The following SLC18B1 variants were observed in gnomAD, a reference collection of about 807,000 sequenced individuals.
The protein encoded by SLC18B1 is solute carrier family 18 member B1.
In SLC18B1, 62 loss-of-function variants were observed where a neutral mutation model predicts 53.9. The observed-to-expected ratio is 1.15, with a 90% CI of 0.94 to 1.42. The LOEUF is 1.42. Among genes scored for constraint, SLC18B1 ranks in the 40% most tolerant of loss-of-function variants. SLC18B1 has a pLI of 0.00. For missense variants in SLC18B1, 598 were observed against 547.3 expected, an observed-to-expected ratio of 1.09 and a Z score of -0.93; for synonymous variants, 217 against 200.9, an observed-to-expected ratio of 1.08 and a Z score of -0.68.
At chr6:132,793,574 A>G (rs1372878067) in intron 2 of SLC18B1, among the ~76,000 whole-genome samples, 1 of 152,244 alleles carries the variant, frequency 6.6e-6, no homozygotes, top group African/African-American at 2.4e-5. Context: ...AGAGCAGGAT[A>G]GAGCACATGG....
intron 4 of SLC18B1, chr6:132,789,350 AG>A (rs1781465581): frequency 6.3e-6 from 1 of 158,812 alleles, no homozygotes; most frequent in Admixed American, 6.2e-5. Context: ...TGCCACCTAA[AG>A]GGGAGGGCTT....
chr6:132,777,117 A>T (rs1253499000), intron 7 of SLC18B1, among the ~76,000 whole-genome samples: 1 of 152,086 alleles, frequency 6.6e-6, no homozygotes, highest in Non-Finnish European at 1.5e-5. Context: ...GCTACTCAGG[A>T]GGTGGAGGCA....
intron 8 of SLC18B1, among the ~76,000 whole-genome samples, chr6:132,775,950 T>A (rs970879106): frequency 4.6e-5 from 7 of 152,176 alleles, no homozygotes; most frequent in Non-Finnish European, 1.0e-4. Context: ...ATGCCTATAA[T>A]CCCAGCTACC....
At chr6:132,774,551 T>C (rs747390425) in intron 8 of SLC18B1, among the ~76,000 whole-genome samples, 1 of 152,092 alleles carries the variant, frequency 6.6e-6, no homozygotes, top group Non-Finnish European at 1.5e-5. Flanking sequence ...GGGGAGTGCA[T>C]TGCAGATCAG....
intron 8 of SLC18B1, among the ~76,000 whole-genome samples, chr6:132,775,353 C>G (rs187265192): frequency 1.0e-3 from 153 of 152,302 alleles, no homozygotes; most frequent in Non-Finnish European, 1.6e-3. Flanking sequence ...CCTGAATGGA[C>G]TAAGATTGTA....
At chr6:132,793,791 T>C (rs973709158) in intron 2 of SLC18B1, among the ~76,000 whole-genome samples, 1 of 152,256 alleles carries the variant, frequency 6.6e-6, no homozygotes, top group Non-Finnish European at 1.5e-5. Context: ...CTCTACTACC[T>C]GTACATGAAC....
At position 132,770,437 on chromosome 6, in the gene SLC18B1, T is replaced by C. The variant is rs554176792; in HGVS notation, c.1305-101A>G. The C allele has an allele frequency of 1.1e-4, 118 of 1,073,750 alleles. No homozygotes were observed. The African/African-American group carries it at 1.8e-3, about 16-fold the overall frequency. 66.5% of individuals were successfully genotyped at this position (1,073,750 alleles called of 1,614,324 possible). A position where few individuals can be genotyped will look rare whatever the true frequency, so the allele number is the denominator to read the frequency against. Reference sequence around the variant, plus strand: ...CCTGTATCTCCATCCAACTATCTTTTTAAAAAAGTTTCTACTGCCCGGGCA... The same window carrying C: ...CCTGTATCTCCATCCAACTATCTTTCTAAAAAAGTTTCTACTGCCCGGGCA... On this transcript the variant is annotated intron_variant, in intron 13 of 13. Coordinates refer to ENST00000275227, the MANE Select transcript of SLC18B1 (RefSeq NM_052831.3).
intron 2 of SLC18B1, among the ~76,000 whole-genome samples, chr6:132,795,139 G>C (rs1224869855): frequency 6.6e-6 from 1 of 151,112 alleles, no homozygotes; most frequent in Non-Finnish European, 1.5e-5. Context: ...TATGGATAGA[G>C]GGAAGCCAGA....
At chr6:132,771,316 T>A (rs1028566950) in intron 11 of SLC18B1, among the ~76,000 whole-genome samples, 187 bp from the exon 12 acceptor site, 1 of 152,190 alleles carries the variant, frequency 6.6e-6, no homozygotes, top group African/African-American at 2.4e-5. Context: ...ACATTCAAAA[T>A]TTTTTAACAA....
intron 2 of SLC18B1, among the ~76,000 whole-genome samples, chr6:132,796,288 G>A (rs1258564101): frequency 1.4e-4 from 20 of 147,788 alleles, no homozygotes; most frequent in Middle Eastern, 3.5e-3. Context: ...TCAGGAGGCG[G>A]AGCTTGCAGT....
At chr6:132,790,373 T>C (rs1460499251) in intron 2 of SLC18B1, 101 bp from the exon 3 acceptor site, 14 of 750,616 alleles carry the variant, frequency 1.9e-5, no homozygotes, top group Non-Finnish European at 2.3e-5. Context: ...GTGAACTTTA[T>C]CTGTATATCA....
intron 8 of SLC18B1, 121 bp from the exon 9 acceptor site, chr6:132,774,434 G>A: frequency 1.5e-6 from 1 of 668,352 alleles, no homozygotes; most frequent in Non-Finnish European, 2.5e-6. Flanking sequence ...ATACAATGAA[G>A]AAAACAAAAC....
Position 132,779,269 on chromosome 6 carries a change from T to G in SLC18B1, c.794A>C (p.Lys265Thr), listed in dbSNP as rs771721449. 3.1e-6 allele frequency: 5 copies of G among 1,613,806 alleles called. No homozygotes were observed. In the South Asian group the frequency reaches 5.5e-5, roughly 18 times the overall value. The change falls in exon 7 of 14, where the codon AAG (lysine) becomes ACG (threonine). Residue 265 changes from lysine to threonine, a missense_variant and splice_region_variant. Lys to Thr is a moderately conservative substitution (Grantham distance 78, BLOSUM62 -1). Coordinates refer to ENST00000275227, the MANE Select transcript of SLC18B1 (RefSeq NM_052831.3). ...CTCTTCAGCAATCAGGTAACTTACC[T>G]TCTCCAAAACAAAGAGAGACAGAGT... is the stretch of plus-strand genomic sequence containing the variant. ...DPTLSLFVLEKFNLPAGYVGL... is the reference protein window; with the variant it reads ...DPTLSLFVLETFNLPAGYVGL...
At position 132,784,060 on chromosome 6, in the gene SLC18B1, C is replaced by A; in HGVS notation, c.531G>T (p.Gly177=). The A allele has an allele frequency of 6.3e-7, 1 of 1,584,922 alleles. No homozygotes were observed. Among genetic ancestry groups the A allele is most frequent in the Non-Finnish European group, 8.5e-7 (1 of 1,170,120 alleles). Residue 177 remains glycine (G), a synonymous_variant, in exon 6 of 14, where the codon GGG becomes GGT. Transcript: ENST00000275227. ...LGSLETFSGL[G]LILGPPVGGF... ...CACCTACAGGAGGACCTAGTATTAG[C>A]CCCAGTCCAGAAAAAGTCTCAAGAC...
intron 4 of SLC18B1, among the ~76,000 whole-genome samples, chr6:132,788,647 C>T (rs1781443919): frequency 6.6e-6 from 1 of 151,796 alleles, no homozygotes; most frequent in Non-Finnish European, 1.5e-5. Context: ...ATGGCGAAAT[C>T]CCATCTCTAC....
At chr6:132,777,163 C>G (rs542183104) in intron 7 of SLC18B1, among the ~76,000 whole-genome samples, 2 of 152,030 alleles carry the variant, frequency 1.3e-5, no homozygotes, top group African/African-American at 4.8e-5. Flanking sequence ...ATTGCTTGAA[C>G]TTAGGAGGCA....
chr6:132,798,333 A>G (rs1344691014), intron 1 of SLC18B1, 81 bp downstream of exon 1: 2 of 1,381,316 alleles, frequency 1.4e-6, no homozygotes, highest in Non-Finnish European at 1.9e-6. Context: ...ATCAAGCTAT[A>G]AGCAATTCAA....
intron 2 of SLC18B1, among the ~76,000 whole-genome samples, chr6:132,790,723 A>G (rs1006902825): frequency 6.6e-6 from 1 of 152,238 alleles, no homozygotes; most frequent in African/African-American, 2.4e-5. Context: ...ATGAGTGGGC[A>G]CATGGGTCAG....
chr6:132,773,013 C>A lies in SLC18B1; in HGVS notation c.1065G>T (p.Pro355=). The A allele has an allele frequency of 1.9e-6, 3 of 1,613,438 alleles. No homozygotes were observed. The change falls in exon 10 of 14, where the codon CCG becomes CCT. Residue 355 remains proline (P), a synonymous_variant. Coordinates refer to ENST00000275227, the MANE Select transcript of SLC18B1 (RefSeq NM_052831.3). ...SAGMSIIPTF[P]EILSCAHENG... ...CTTACTGTGCACAACTGAGAATTTC[C>A]GGGAAAGTTGGAATTATACTCATTC...
Sources: gnomAD v4.1 joint callset for allele counts (sites outside exome capture counted in the v4.1 genomes callset) on GRCh38, gnomAD v4.1.1 for gene constraint, MANE v1.5 for transcripts, NCBI Gene and HGNC (gene_info 2026-07-23, HGNC 2026-07-21) for gene names.